Variants in NFATC3 observed in about 807,000 individuals in gnomAD.
NFATC3 encodes the protein nuclear factor of activated T cells 3, also known as nuclear factor of activated T-cells, cytoplasmic 3.
Under a neutral mutation model 98.6 loss-of-function variants are expected in NFATC3, and 46 were observed. That is an observed-to-expected ratio of 0.47 (90% confidence interval 0.37 to 0.60). The LOEUF is 0.60. Among genes scored for constraint, NFATC3 ranks in the 20% least tolerant of loss-of-function variants. The pLI is 0.00. For missense variants in NFATC3, 1,256 were observed against 1,295.5 expected (o/e 0.97, Z 0.47); for synonymous variants, 512 against 472.2 (o/e 1.08, Z -1.09).
rs1394517728 is a variant in NFATC3 at position 68,173,533 on chromosome 16, C to G, written c.1775-841C>G. 3.3e-5 allele frequency among the ~76,000 whole-genome samples: 5 copies of G among 152,128 alleles called. No individual in the cohort carries two copies. The South Asian group carries it at 8.3e-4, about 25-fold the overall frequency. ...GGTGAGCCGAGATCACACCACTGCA[C>G]TCCAGCCTGGGCGACACAGCAAGAC... On this transcript the variant is annotated intron_variant, in intron 5 of 9. Coordinates refer to ENST00000346183, the MANE Select transcript of NFATC3 (RefSeq NM_173165.3).
At chr16:68,142,651 G>C (rs974496952) in intron 3 of NFATC3, among the ~76,000 whole-genome samples, 1 of 151,978 alleles carries the variant, frequency 6.6e-6, no homozygotes, top group African/African-American at 2.4e-5. Context: ...TCAGCTACTT[G>C]GGAGGCTGAG....
chr16:68,220,792 G>A (rs561364549), intron 9 of NFATC3, among the ~76,000 whole-genome samples: 2 of 151,202 alleles, frequency 1.3e-5, no homozygotes, highest in African/African-American at 4.8e-5. Flanking sequence ...TGTGGCGGGC[G>A]CCTATAGTCC....
At chr16:68,117,142 A>G (rs1284524356) in intron 1 of NFATC3, among the ~76,000 whole-genome samples, 6 of 152,204 alleles carry the variant, frequency 3.9e-5, no homozygotes, top group Non-Finnish European at 8.8e-5. Context: ...TGAGTTAAAC[A>G]CATGAGCTTT....
At chr16:68,104,067 AT>A (rs1192911142) in intron 1 of NFATC3, among the ~76,000 whole-genome samples, 1 of 152,064 alleles carries the variant, frequency 6.6e-6, no homozygotes, top group African/African-American at 2.4e-5. Context: ...TGGCTTTTCC[AT>A]TTCTCTAGAA....
chr16:68,085,784 G>C lies in NFATC3; in HGVS notation c.103G>C (p.Asp35His). 2 of 1,477,102 alleles carry C rather than the reference G, an allele frequency of 1.4e-6. No individual in the cohort carries two copies. The highest frequency in any genetic ancestry group is 1.8e-6 in the Non-Finnish European group (2 of 1,121,252). 91.5% of individuals were successfully genotyped at this position (1,477,102 alleles called of 1,614,324 possible). ...APPPPGSRPA[D>H]LEPDDCASIY... ...GCCGCCCCCGGGCTCGCGGCCTGCA[G>C]GTGGGTGCCGGGCCAGGCGGGACCG... Residue 35 changes from aspartate to histidine, a missense_variant and splice_region_variant, in exon 1 of 10, where the codon GAT becomes CAT. Transcript: ENST00000346183.
At chr16:68,093,950 C>T (rs1397410915) in intron 1 of NFATC3, among the ~76,000 whole-genome samples, 1 of 152,120 alleles carries the variant, frequency 6.6e-6, no homozygotes, top group East Asian at 1.9e-4. Flanking sequence ...TACATGTGTT[C>T]CTGTGACTAG....
chr16:68,223,784 A>G (rs2041947247), intron 9 of NFATC3, among the ~76,000 whole-genome samples: 1 of 150,824 alleles, frequency 6.6e-6, no homozygotes, highest in Non-Finnish European at 1.5e-5. Flanking sequence ...AATCCTAGCT[A>G]CTTGGGAGGC....
rs187702522 is a variant in NFATC3 at position 68,109,301 on chromosome 16, C to T, written c.104-12686C>T. ...AACATGAAGTGATGTTGAATTTTAT[C>T]GAAGGCCTTTTCTGCATCTATTGAG... On this transcript the variant is annotated intron_variant, in intron 1 of 9. Coordinates refer to ENST00000346183, the MANE Select transcript of NFATC3 (RefSeq NM_173165.3). Among the ~76,000 whole-genome samples the T allele has an allele frequency of 1.2e-3, 184 of 152,226 alleles. 1 individual carries two copies. Among genetic ancestry groups the T allele is most frequent in the Admixed American group, 1.6e-3 (24 of 15,288 alleles).
intron 6 of NFATC3, among the ~76,000 whole-genome samples, chr16:68,175,176 C>T (rs767294593): frequency 6.6e-6 from 1 of 152,182 alleles, no homozygotes; most frequent in Non-Finnish European, 1.5e-5. Context: ...CATAAAAGGA[C>T]ACATAGTATA....
At chr16:68,138,522 A>G in intron 3 of NFATC3, 2 of 1,283,062 alleles carry the variant, frequency 1.6e-6, no homozygotes, top group South Asian at 2.5e-5. Context: ...AATCCAAGAT[A>G]CGTTCATCTT....
chr16:68,128,824 A>T (rs2151514558), intron 3 of NFATC3, among the ~76,000 whole-genome samples: 1 of 151,642 alleles, frequency 6.6e-6, no homozygotes, highest in Admixed American at 6.6e-5. Context: ...TTTAAAAAAC[A>T]AAAGCAGAAC....
rs529095799 is a variant in NFATC3 at position 68,153,774 on chromosome 16, C to T, written c.1402-4095C>T. On this transcript the variant is annotated intron_variant, in intron 3 of 9. Transcript: ENST00000346183. The stretch of plus-strand genomic sequence containing the variant: ...GACTACAGGCACCTGCCACCATGCC[C>T]GGCTAATTTTTTGTGTTTTTAGTAG... Among the ~76,000 whole-genome samples, 705 of 152,104 alleles carry T rather than the reference C, an allele frequency of 4.6e-3. 7 individuals are homozygous for T. The highest frequency in any genetic ancestry group is 0.017 in the African/African-American group (685 of 41,482).
intron 3 of NFATC3, among the ~76,000 whole-genome samples, chr16:68,156,772 G>A (rs189348587): frequency 6.6e-6 from 1 of 152,002 alleles, no homozygotes; most frequent in African/African-American, 2.4e-5. Context: ...AACCCCATCT[G>A]TACTAAAAAT....
Position 68,157,804 on chromosome 16 carries a change from G to T in NFATC3, c.1402-65G>T, listed in dbSNP as rs1598465294. The T allele has an allele frequency of 2.3e-6, 3 of 1,280,872 alleles. No individual in the cohort carries two copies. The South Asian group carries it at 4.0e-5, about 17-fold the overall frequency. 79.3% of individuals were successfully genotyped at this position (1,280,872 alleles called of 1,614,324 possible). On this transcript the variant is annotated intron_variant, in intron 3 of 9. Transcript: ENST00000346183. ...ATAGAGATATAATAGACTTACTATT[G>T]TTGGCATATTGTAAAATGCATGGAT... is the stretch of plus-strand genomic sequence containing the variant.
chr16:68,134,319 G>A lies in NFATC3; in HGVS notation c.1401+7709G>A, dbSNP rs191066873. Among the ~76,000 whole-genome samples the A allele has an allele frequency of 1.4e-4, 22 of 152,102 alleles. No individual in the cohort carries two copies. In the East Asian group the frequency reaches 2.7e-3, roughly 19 times the overall value. On this transcript the variant is annotated intron_variant, in intron 3 of 9. Coordinates refer to ENST00000346183, the MANE Select transcript of NFATC3 (RefSeq NM_173165.3). ...TGGCACTACAGGCATGTACCACCAC[G>A]CTTGGCTAATTTTTTAAATCTTTCT... is the stretch of plus-strand genomic sequence containing the variant.
At chr16:68,116,155 C>G (rs1199625323) in intron 1 of NFATC3, among the ~76,000 whole-genome samples, 1 of 151,912 alleles carries the variant, frequency 6.6e-6, no homozygotes, top group African/African-American at 2.4e-5. Context: ...TTATGGATAC[C>G]AGAATTTGAA....
Position 68,181,465 on chromosome 16 carries a change from C to A in NFATC3, c.1916-10C>A, listed in dbSNP as rs1441995593. ...AATTGCTTTTAACTATAAACTCTTT[C>A]TTTCAATAGATGGACGACCTCAGTG... is the stretch of plus-strand genomic sequence containing the variant. On this transcript the variant is annotated splice_polypyrimidine_tract_variant and intron_variant, in intron 6 of 9. Transcript: ENST00000346183. 1 of 1,607,078 alleles carries A rather than the reference C, an allele frequency of 6.2e-7. No homozygotes were observed. Among genetic ancestry groups the A allele is most frequent in the Non-Finnish European group, 8.5e-7 (1 of 1,174,460 alleles).
At chr16:68,145,310 T>G (rs891895697) in intron 3 of NFATC3, among the ~76,000 whole-genome samples, 2 of 151,322 alleles carry the variant, frequency 1.3e-5, no homozygotes, top group Non-Finnish European at 3.0e-5. Flanking sequence ...TGCCCAGCTA[T>G]TTTTATGTTT....
intron 9 of NFATC3, chr16:68,218,227 C>A: frequency 6.1e-6 from 1 of 163,864 alleles, no homozygotes; most frequent in Non-Finnish European, 1.3e-5. Context: ...CACACCTGGC[C>A]AAATTAATCA....
Sources: gnomAD v4.1 joint callset for allele counts (sites outside exome capture counted in the v4.1 genomes callset) on GRCh38, gnomAD v4.1.1 for gene constraint, MANE v1.5 for transcripts, NCBI Gene and HGNC (gene_info 2026-07-23, HGNC 2026-07-21) for gene names.